The following COX14 variants were observed in gnomAD, a reference collection of about 807,000 sequenced individuals.
COX14 encodes cytochrome c oxidase assembly protein COX14.
A neutral mutation model predicts 5.8 loss-of-function variants in COX14; 3 were observed. The observed-to-expected ratio is 0.51, with a 90% CI of 0.23 to 1.33. COX14 has a LOEUF of 1.33. Ranked by LOEUF, COX14 falls within the 40% of genes most tolerant of loss-of-function variation. The probability of loss-of-function intolerance (pLI) is 0.18; values close to 1 mark genes in which losing one functional copy is unlikely to be tolerated. For missense variants in COX14, 72 were observed against 72.1 expected, an observed-to-expected ratio of 1.00 and a Z score of 0.01; for synonymous variants, 25 against 26.1, an observed-to-expected ratio of 0.96 and a Z score of 0.13.
intron 1 of COX14, among the ~76,000 whole-genome samples, chr12:50,118,062 T>C (rs1951098224): frequency 9.4e-6 from 1 of 106,198 alleles, no homozygotes; most frequent in Non-Finnish European, 1.9e-5. Context: ...TTTTTTTTTT[T>C]GAGATGGAGT....
intron 1 of COX14, among the ~76,000 whole-genome samples, chr12:50,115,654 C>T (rs918347742): frequency 1.3e-5 from 2 of 151,754 alleles, no homozygotes; most frequent in Non-Finnish European, 2.9e-5. Context: ...TGGGCTCAAG[C>T]GATCCTCCAA....
chr12:50,118,970 C>T (rs1475096500), intron 1 of COX14, among the ~76,000 whole-genome samples: 1 of 152,124 alleles, frequency 6.6e-6, no homozygotes, highest in Admixed American at 6.6e-5. Context: ...ACTAAACTTT[C>T]TCTTGTTTCC....
At chr12:50,114,881 C>T (rs972543006) in intron 1 of COX14, among the ~76,000 whole-genome samples, 2 of 142,050 alleles carry the variant, frequency 1.4e-5, no homozygotes, top group African/African-American at 5.2e-5. Flanking sequence ...AATTCTCCTG[C>T]GTCAGCCTCC....
chr12:50,119,192 G>A (rs7294618), intron 1 of COX14, among the ~76,000 whole-genome samples: 49,757 of 151,994 alleles, frequency 0.33, 8,380 homozygotes, highest in South Asian at 0.39. Flanking sequence ...GTTATATTAT[G>A]GCTTAAACAA....
chr12:50,117,726 C>T (rs1951093781), intron 1 of COX14, among the ~76,000 whole-genome samples: 1 of 149,986 alleles, frequency 6.7e-6, no homozygotes, highest in Admixed American at 6.7e-5. Context: ...CGCAGGCATG[C>T]ACCACCACGC....
At position 50,120,398 on chromosome 12, in the gene COX14, G is replaced by A. The variant is rs1037565005; in HGVS notation, c.*181G>A. ...GACAGTTTATGGAGGCTTTTGAATC[G>A]TAATAGCAATGTGAGGGTGAGGTAC... On this transcript the variant is annotated 3_prime_UTR_variant, in exon 2 of 2. Coordinates refer to ENST00000550487, the MANE Select transcript of COX14 (RefSeq NM_032901.4). 2.1e-5 allele frequency: 12 copies of A among 584,290 alleles called. No individual in the cohort carries two copies. The highest frequency in any genetic ancestry group is 3.4e-5 in the Non-Finnish European group (11 of 323,152). 36.2% of individuals were successfully genotyped at this position (584,290 alleles called of 1,614,324 possible).
In COX14 at chr12:50,117,925, A is replaced by G. The variant is rs145299447; in HGVS notation, c.-8-2111A>G. Among the ~76,000 whole-genome samples the G allele has an allele frequency of 3.9e-3, 590 of 151,502 alleles. 20 individuals carry two copies. In the East Asian group the frequency reaches 0.068, roughly 17 times the overall value. ...TGCCCAGCTAATTTTTTGTATTTTT[A>G]GTAGAGACAGGGTTTCACCATGTTG... On this transcript the variant is annotated intron_variant, in intron 1 of 1. Coordinates refer to ENST00000550487, the MANE Select transcript of COX14 (RefSeq NM_032901.4).
At chr12:50,113,439 G>A (rs938822635) in intron 1 of COX14, among the ~76,000 whole-genome samples, 3 of 151,054 alleles carry the variant, frequency 2.0e-5, no homozygotes, top group Non-Finnish European at 4.4e-5. Context: ...GAGTAGCTGG[G>A]ACTACAGGTG....
intron 1 of COX14, among the ~76,000 whole-genome samples, chr12:50,113,831 T>G (rs1430459152): frequency 6.6e-6 from 1 of 151,846 alleles, no homozygotes; most frequent in African/African-American, 2.4e-5. Context: ...CAGGGTTTTA[T>G]CATATTGGCC....
intron 1 of COX14, chr12:50,112,566 A>G (rs1028858105): frequency 2.7e-6 from 2 of 729,388 alleles, no homozygotes. Context: ...TCGACCCTCC[A>G]CGCTCCAACT....
rs1355319726 is a variant in COX14 at position 50,112,262 on chromosome 12, A to C, written c.-48A>C. 4.1e-6 allele frequency: 4 copies of C among 981,458 alleles called. No homozygotes were observed. The Admixed American group carries it at 1.8e-4, about 45-fold the overall frequency. 60.8% of individuals were successfully genotyped at this position (981,458 alleles called of 1,614,324 possible). On this transcript the variant is annotated 5_prime_UTR_variant, in exon 1 of 2. Transcript: ENST00000550487. ...GTGGCCTCGAGACCCTGCCTGCCTG[A>C]GGAGGCCTCGGTTGGATGCGAAGGA...
chr12:50,116,024 C>T (rs915662054), intron 1 of COX14, among the ~76,000 whole-genome samples: 1 of 152,104 alleles, frequency 6.6e-6, no homozygotes, highest in African/African-American at 2.4e-5. Context: ...TTTTCTACTT[C>T]CAAAGTATCT....
intron 1 of COX14, among the ~76,000 whole-genome samples, chr12:50,116,010 A>AT (rs1055579004): frequency 3.9e-5 from 6 of 151,956 alleles, no homozygotes; most frequent in African/African-American, 1.5e-4. Context: ...CCATTGATAA[A>AT]TCCTTTTCTA....
intron 1 of COX14, 134 bp downstream of exon 1, chr12:50,112,435 G>T: frequency 8.1e-6 from 8 of 985,954 alleles, no homozygotes; most frequent in Non-Finnish European, 9.6e-6. Flanking sequence ...ACCCGCTTCT[G>T]TTGCGTTGCG....
chr12:50,120,329 C>G lies in COX14; in HGVS notation c.*112C>G. Reference sequence around the variant, plus strand: ...CTAGAGCGTTGATGGTTTTCAAACCCTGTTGGAAGAAAGTGCCCATGGTTT... The same window carrying G: ...CTAGAGCGTTGATGGTTTTCAAACCGTGTTGGAAGAAAGTGCCCATGGTTT... On this transcript the variant is annotated 3_prime_UTR_variant, in exon 2 of 2. Coordinates refer to ENST00000550487, the MANE Select transcript of COX14 (RefSeq NM_032901.4). 1.1e-6 allele frequency: 1 copy of G among 921,898 alleles called. No homozygotes were observed. Among genetic ancestry groups the G allele is most frequent in the Admixed American group, 2.9e-5 (1 of 34,398 alleles). 57.1% of individuals were successfully genotyped at this position (921,898 alleles called of 1,614,324 possible).
chr12:50,115,839 C>T (rs1951076563), intron 1 of COX14, among the ~76,000 whole-genome samples: 2 of 152,140 alleles, frequency 1.3e-5, no homozygotes, highest in South Asian at 4.1e-4. Flanking sequence ...GTGTGAGCCA[C>T]TGCACCGGCC....
At chr12:50,115,270 A>T (rs1345013569) in intron 1 of COX14, among the ~76,000 whole-genome samples, 1 of 146,114 alleles carries the variant, frequency 6.8e-6, no homozygotes, top group Non-Finnish European at 1.5e-5. Context: ...GCTGGAGTGC[A>T]GTGGCGCGAT....
intron 1 of COX14, among the ~76,000 whole-genome samples, chr12:50,115,580 G>T (rs1481492809): frequency 6.7e-6 from 1 of 149,054 alleles, no homozygotes; most frequent in Non-Finnish European, 1.5e-5. Context: ...TTTGAGACAG[G>T]GTCTCCCTGT....
chr12:50,119,104 G>A (rs1951107902), intron 1 of COX14, among the ~76,000 whole-genome samples: 1 of 152,044 alleles, frequency 6.6e-6, no homozygotes, highest in African/African-American at 2.4e-5. Flanking sequence ...CTTAGTGTTG[G>A]GTTTAGAACG....
Sources: allele counts gnomAD v4.1 joint callset (sites outside exome capture counted in the v4.1 genomes callset), GRCh38; gene constraint gnomAD v4.1.1; transcripts MANE v1.5; gene names NCBI Gene and HGNC (gene_info 2026-07-23, HGNC 2026-07-21).